Variants in CNTN5 observed in about 807,000 individuals in gnomAD.
The protein encoded by CNTN5 is contactin-5.
CNTN5 carries 77 observed loss-of-function variants against 129.1 expected under a neutral mutation model. The observed-to-expected ratio is 0.60, with a 90% CI of 0.50 to 0.72. The LOEUF (loss-of-function observed/expected upper bound fraction) is 0.72. CNTN5 is among the 30% of genes least tolerant of loss of function. The pLI is 0.00. For synonymous variants in CNTN5, 509 were observed against 465.6 expected, an observed-to-expected ratio of 1.09 and a Z score of -1.20; for missense variants, 1,478 against 1,328.8, an observed-to-expected ratio of 1.11 and a Z score of -1.75.
At chr11:99,819,929 G>A (rs981910394) in intron 4 of CNTN5, among the ~76,000 whole-genome samples, 164 bp downstream of exon 4, 1 of 152,214 alleles carries the variant, frequency 6.6e-6, no homozygotes, top group African/African-American at 2.4e-5. Flanking sequence ...GGGTGAGCTA[G>A]TAGAAAACTG....
At chr11:99,792,573 G>GTGTGCGTC (rs34622017) in intron 3 of CNTN5, among the ~76,000 whole-genome samples, 31 of 116,686 alleles carry the variant, frequency 2.7e-4, no homozygotes, top group African/African-American at 1.1e-3. Context: ...GTGTGTGTGT[G>GTGTGCGTC]TGTCTGTCTG....
At chr11:100,319,977 A>G (rs1453786080) in intron 21 of CNTN5, among the ~76,000 whole-genome samples, 1 of 152,230 alleles carries the variant, frequency 6.6e-6, no homozygotes, top group Non-Finnish European at 1.5e-5. Flanking sequence ...ACAAGATATG[A>G]TTCCATATGT....
At chr11:100,285,472 G>A (rs985330298) in intron 18 of CNTN5, among the ~76,000 whole-genome samples, 6 of 152,128 alleles carry the variant, frequency 3.9e-5, no homozygotes, top group Admixed American at 1.3e-4. Context: ...TTGCAAACCC[G>A]TGGCTGGCCT....
At chr11:99,894,883 A>G (rs560434250) in intron 6 of CNTN5, among the ~76,000 whole-genome samples, 35 of 152,332 alleles carry the variant, frequency 2.3e-4, no homozygotes, top group African/African-American at 7.9e-4. Flanking sequence ...GAAAAAACAT[A>G]GGAAGACATA....
At chr11:99,838,866 G>T (rs928447034) in intron 4 of CNTN5, among the ~76,000 whole-genome samples, 1 of 152,128 alleles carries the variant, frequency 6.6e-6, no homozygotes, top group South Asian at 2.1e-4. Context: ...AAGTAATATA[G>T]TATGCCTTTT....
intron 13 of CNTN5, among the ~76,000 whole-genome samples, chr11:100,082,358 T>C (rs1944398587): frequency 6.6e-6 from 1 of 152,270 alleles, no homozygotes; most frequent in East Asian, 1.9e-4. Flanking sequence ...CACAGCTCAC[T>C]GCAACCTCGA....
At chr11:99,968,062 T>G (rs917773025) in intron 8 of CNTN5, among the ~76,000 whole-genome samples, 2 of 152,164 alleles carry the variant, frequency 1.3e-5, no homozygotes, top group African/African-American at 4.8e-5. Flanking sequence ...TGTACACATC[T>G]TCGCAAAATT....
intron 3 of CNTN5, among the ~76,000 whole-genome samples, chr11:99,713,304 T>C (rs1019853385): frequency 3.3e-5 from 5 of 151,934 alleles, no homozygotes; most frequent in African/African-American, 1.2e-4. Context: ...TTGTTGTTGT[T>C]ATTGGTGTAT....
At chr11:99,128,690 G>T (rs1433959728) in intron 1 of CNTN5, among the ~76,000 whole-genome samples, 1 of 152,160 alleles carries the variant, frequency 6.6e-6, no homozygotes, top group Non-Finnish European at 1.5e-5. Flanking sequence ...CCCAACAGGG[G>T]TCACCAGACA....
intron 2 of CNTN5, among the ~76,000 whole-genome samples, chr11:99,508,134 T>C (rs562568205): frequency 2.0e-5 from 3 of 152,164 alleles, no homozygotes; most frequent in Non-Finnish European, 4.4e-5. Context: ...TAAAATGTCA[T>C]CCTGCTGAAG....
At chr11:99,027,370 T>C (rs1378427764) in intron 1 of CNTN5, among the ~76,000 whole-genome samples, 3 of 151,638 alleles carry the variant, frequency 2.0e-5, no homozygotes. Flanking sequence ...TTGGGTAAAC[T>C]TTAATTCATG....
chr11:99,156,807 T>C (rs1451852211), intron 1 of CNTN5, among the ~76,000 whole-genome samples: 1 of 151,978 alleles, frequency 6.6e-6, no homozygotes, highest in African/African-American at 2.4e-5. Context: ...AAAAGTGATG[T>C]GGATAGTATT....
chr11:99,834,350 G>C (rs1947237079), intron 4 of CNTN5, among the ~76,000 whole-genome samples: 1 of 152,014 alleles, frequency 6.6e-6, no homozygotes. Flanking sequence ...CTTACATATT[G>C]AAAATTTATT....
At chr11:99,832,110 T>C (rs943851228) in intron 4 of CNTN5, among the ~76,000 whole-genome samples, 1 of 152,198 alleles carries the variant, frequency 6.6e-6, no homozygotes, top group African/African-American at 2.4e-5. Context: ...TCTCCGCTGC[T>C]TTATGACCCA....
At chr11:100,209,893 T>G (rs1290660669) in intron 15 of CNTN5, among the ~76,000 whole-genome samples, 1 of 152,196 alleles carries the variant, frequency 6.6e-6, no homozygotes, top group African/African-American at 2.4e-5. Flanking sequence ...GGTATTGTTA[T>G]TTGTGTTATC....
intron 3 of CNTN5, among the ~76,000 whole-genome samples, chr11:99,802,754 G>A (rs1946152827): frequency 6.6e-6 from 1 of 152,118 alleles, no homozygotes; most frequent in Non-Finnish European, 1.5e-5. Context: ...GCCATGCAGA[G>A]GGGTCCCCTG....
At chr11:99,848,067 C>A (rs1406736577) in intron 6 of CNTN5, among the ~76,000 whole-genome samples, 1 of 152,144 alleles carries the variant, frequency 6.6e-6, no homozygotes, top group East Asian at 1.9e-4. Context: ...AAAAATTAGC[C>A]GGGCCTGGTG....
chr11:100,238,546 G>A (rs926760563), intron 16 of CNTN5, among the ~76,000 whole-genome samples: 1 of 149,714 alleles, frequency 6.7e-6, no homozygotes, highest in African/African-American at 2.5e-5. Flanking sequence ...AGGAGGAGGA[G>A]GAGGGGGAAG....
At chr11:99,251,193 T>C (rs988509166) in intron 1 of CNTN5, among the ~76,000 whole-genome samples, 22 of 151,916 alleles carry the variant, frequency 1.4e-4, no homozygotes, top group Admixed American at 7.9e-4. Flanking sequence ...GAAAACAGGT[T>C]ATTTATATGT....
Sources: gnomAD v4.1 joint callset for allele counts (sites outside exome capture counted in the v4.1 genomes callset) on GRCh38, gnomAD v4.1.1 for gene constraint, MANE v1.5 for transcripts, NCBI Gene and HGNC (gene_info 2026-07-23, HGNC 2026-07-21) for gene names.